PTPRM: variants seen among roughly 807,000 people sequenced by gnomAD.
PTPRM encodes the protein receptor-type tyrosine-protein phosphatase mu.
In PTPRM, 47 loss-of-function variants were observed where a neutral mutation model predicts 186.7. The observed-to-expected ratio is 0.25, with a 90% CI of 0.20 to 0.32. The LOEUF (loss-of-function observed/expected upper bound fraction) is 0.32, where lower values mean the gene tolerates loss of function less well. Among genes scored for constraint, PTPRM ranks in the 10% least tolerant of loss-of-function variants. The pLI is 1.00. For synonymous variants in PTPRM, 668 were observed against 674.9 expected, an observed-to-expected ratio of 0.99 and a Z score of 0.16; for missense variants, 1,494 against 1,865.0, an observed-to-expected ratio of 0.80 and a Z score of 3.66.
At chr18:7,911,226 T>A (rs1244071443) in intron 4 of PTPRM, among the ~76,000 whole-genome samples, 1 of 152,250 alleles carries the variant, frequency 6.6e-6, no homozygotes, top group Non-Finnish European at 1.5e-5. Flanking sequence ...GGAATAATGC[T>A]GCTGTGAACA....
intron 1 of PTPRM, among the ~76,000 whole-genome samples, chr18:7,629,082 G>A (rs139317545): frequency 6.6e-6 from 1 of 152,200 alleles, no homozygotes; most frequent in African/African-American, 2.4e-5. Flanking sequence ...GCTTCAAAAT[G>A]ATGGTACACT....
At chr18:7,770,651 A>G (rs2042229577) in intron 1 of PTPRM, among the ~76,000 whole-genome samples, 1 of 152,226 alleles carries the variant, frequency 6.6e-6, no homozygotes, top group Admixed American at 6.5e-5. Flanking sequence ...TCACCAAGCT[A>G]ACAGTGGAAG....
intron 5 of PTPRM, among the ~76,000 whole-genome samples, chr18:7,937,278 G>A (rs556366932): frequency 6.6e-6 from 1 of 152,288 alleles, no homozygotes; most frequent in Admixed American, 6.5e-5. Context: ...GAAGCTCCCC[G>A]AGCCAGGGCT....
At chr18:8,098,369 A>G (rs2091114615) in intron 11 of PTPRM, among the ~76,000 whole-genome samples, 1 of 152,220 alleles carries the variant, frequency 6.6e-6, no homozygotes, top group Admixed American at 6.5e-5. Flanking sequence ...CCTAATTAAG[A>G]GTGCAATAAA....
At chr18:8,130,361 T>C (rs1184642957) in intron 13 of PTPRM, among the ~76,000 whole-genome samples, 2 of 152,156 alleles carry the variant, frequency 1.3e-5, no homozygotes, top group Non-Finnish European at 2.9e-5. Flanking sequence ...AAGCCTGGGC[T>C]CCATGAAACC....
intron 2 of PTPRM, among the ~76,000 whole-genome samples, chr18:7,847,465 C>T (rs1325910920): frequency 6.6e-6 from 1 of 152,056 alleles, no homozygotes; most frequent in African/African-American, 2.4e-5. Context: ...CCATGCCTGT[C>T]CACAAATCTA....
chr18:8,381,904 A>G (rs2095739185), intron 29 of PTPRM, among the ~76,000 whole-genome samples: 2 of 152,226 alleles, frequency 1.3e-5, no homozygotes, highest in Non-Finnish European at 2.9e-5. Flanking sequence ...ATATTAGTGA[A>G]CAAGACATCA....
chr18:8,317,227 G>C (rs992598758), intron 21 of PTPRM, among the ~76,000 whole-genome samples: 2 of 152,094 alleles, frequency 1.3e-5, no homozygotes, highest in South Asian at 4.2e-4. Context: ...GAAATGGCGA[G>C]ACCCTTGAGC....
chr18:7,723,078 C>T (rs1431671441), intron 1 of PTPRM, among the ~76,000 whole-genome samples: 1 of 152,150 alleles, frequency 6.6e-6, no homozygotes, highest in Non-Finnish European at 1.5e-5. Context: ...AGTTGTGAAT[C>T]TAGATCAGGA....
At chr18:7,661,549 A>G (rs1024099409) in intron 1 of PTPRM, among the ~76,000 whole-genome samples, 1 of 152,240 alleles carries the variant, frequency 6.6e-6, no homozygotes, top group Non-Finnish European at 1.5e-5. Context: ...GTAAATGGAA[A>G]TGTAATCTGC....
At chr18:7,808,821 C>T (rs941467896) in intron 2 of PTPRM, among the ~76,000 whole-genome samples, 3 of 152,158 alleles carry the variant, frequency 2.0e-5, no homozygotes, top group African/African-American at 7.2e-5. Context: ...TAACTGTCTC[C>T]TGAGTTTCCT....
In PTPRM at chr18:8,370,872, C is replaced by A. The variant is rs531428315; in HGVS notation, c.3055-18C>A. ...AAACCAAACTGTAAACCCATAATTT[C>A]TTTTATGTTTTCTAAAGGTCAAATG... On this transcript the variant is annotated intron_variant, in intron 23 of 32. Coordinates refer to ENST00000580170, the MANE Select transcript of PTPRM (RefSeq NM_001105244.2). The A allele has an allele frequency of 3.2e-5, 48 of 1,505,776 alleles. No homozygotes were observed. The highest frequency in any genetic ancestry group is 4.8e-5 in the South Asian group (4 of 82,920). 93.3% of individuals were successfully genotyped at this position (1,505,776 alleles called of 1,614,324 possible).
chr18:8,173,845 G>T (rs2093441487), intron 14 of PTPRM, among the ~76,000 whole-genome samples: 1 of 152,118 alleles, frequency 6.6e-6, no homozygotes, highest in African/African-American at 2.4e-5. Context: ...GAGGTGGGTG[G>T]ATCACTTGAG....
intron 7 of PTPRM, among the ~76,000 whole-genome samples, chr18:7,972,337 G>A (rs1410778099): frequency 7.9e-6 from 1 of 127,246 alleles, no homozygotes; most frequent in Admixed American, 7.5e-5. Flanking sequence ...GGGAGGGATA[G>A]CATTGGGAGA....
intron 2 of PTPRM, among the ~76,000 whole-genome samples, chr18:7,842,016 G>T (rs2046351004): frequency 6.6e-6 from 1 of 151,940 alleles, no homozygotes; most frequent in East Asian, 1.9e-4. Context: ...ATGAAGGAGT[G>T]TGACTGTAGG....
chr18:8,036,074 G>A (rs558063695), intron 7 of PTPRM, among the ~76,000 whole-genome samples: 1 of 152,196 alleles, frequency 6.6e-6, no homozygotes, highest in Non-Finnish European at 1.5e-5. Flanking sequence ...AGGCGGAGTA[G>A]CCACATCATG....
chr18:8,118,030 CT>C (rs1332067897), intron 13 of PTPRM, among the ~76,000 whole-genome samples: 1 of 152,038 alleles, frequency 6.6e-6, no homozygotes, highest in Non-Finnish European at 1.5e-5. Context: ...GGTGGAAACT[CT>C]TTGCAGCTAG....
intron 1 of PTPRM, among the ~76,000 whole-genome samples, chr18:7,644,036 C>T (rs1008803073): frequency 6.6e-6 from 1 of 151,974 alleles, no homozygotes; most frequent in African/African-American, 2.4e-5. Flanking sequence ...AATGAATTTC[C>T]TTGTCTGCTA....
intron 32 of PTPRM, among the ~76,000 whole-genome samples, chr18:8,405,822 C>T (rs975599006): frequency 1.3e-5 from 2 of 152,196 alleles, no homozygotes; most frequent in Non-Finnish European, 2.9e-5. Flanking sequence ...TGTTGATATC[C>T]TGGAAAATAC....
Sources: gnomAD v4.1 joint callset for allele counts (sites outside exome capture counted in the v4.1 genomes callset) on GRCh38, gnomAD v4.1.1 for gene constraint, MANE v1.5 for transcripts, NCBI Gene and HGNC (gene_info 2026-07-23, HGNC 2026-07-21) for gene names.